POLR1B: variants seen among roughly 807,000 people sequenced by gnomAD.
The protein encoded by POLR1B is DNA-directed RNA polymerase I subunit RPA2.
Under a neutral mutation model 105.8 loss-of-function variants are expected in POLR1B, and 30 were observed. That is an observed-to-expected ratio of 0.28 (90% CI 0.21 to 0.38). The LOEUF (loss-of-function observed/expected upper bound fraction) is 0.38. Ranked by LOEUF, POLR1B falls within the 10% of genes least tolerant of loss-of-function variation. POLR1B has a pLI of 1.00. For synonymous variants in POLR1B, 485 were observed against 505.1 expected (o/e 0.96, Z 0.53); for missense variants, 976 against 1,435.8 (o/e 0.68, Z 5.17).
chr2:112,553,794 C>T (rs1683501554), intron 7 of POLR1B: 1 of 152,124 alleles, frequency 6.6e-6, no homozygotes, highest in Non-Finnish European at 1.5e-5. Context: ...GGAACCCAGC[C>T]CTGTATTTTT....
intron 12 of POLR1B, among the ~76,000 whole-genome samples, chr2:112,570,923 C>T (rs1236696785): frequency 6.6e-6 from 1 of 151,990 alleles, no homozygotes; most frequent in Non-Finnish European, 1.5e-5. Context: ...AGATTACAGG[C>T]ATGTGCCACC....
At chr2:112,559,900 G>T (rs888797644) in intron 9 of POLR1B, among the ~76,000 whole-genome samples, 1 of 152,114 alleles carries the variant, frequency 6.6e-6, no homozygotes, top group African/African-American at 2.4e-5. Flanking sequence ...AAAGTGCTGG[G>T]ATTACAGTTG....
At chr2:112,563,533 A>G (rs1253987366) in intron 9 of POLR1B, among the ~76,000 whole-genome samples, 3 of 152,190 alleles carry the variant, frequency 2.0e-5, no homozygotes, top group African/African-American at 7.2e-5. Context: ...AGTTTATGAA[A>G]TAATCTAAAT....
In POLR1B at chr2:112,547,140, A is replaced by G; in HGVS notation, c.306A>G (p.Glu102=). 1.2e-6 allele frequency: 2 copies of G among 1,614,192 alleles called. No individual in the cohort carries two copies. The highest frequency in any genetic ancestry group is 1.7e-6 in the Non-Finnish European group (2 of 1,180,038). Residue 102 remains glutamate (E), a synonymous_variant, in exon 2 of 15, where the codon GAA becomes GAG. Transcript: ENST00000263331. ...ICKEANVYPA[E]CRGRRSTYRG... ...AAGAGGCCAATGTTTATCCAGCAGA[A>G]TGCCGGGGCCGAAGGAGTACCTACC...
At position 112,564,377 on chromosome 2, in the gene POLR1B, A is replaced by G; in HGVS notation, c.1624A>G (p.Ile542Val). 6.2e-7 allele frequency: 1 copy of G among 1,614,170 alleles called. No homozygotes were observed. Among genetic ancestry groups the G allele is most frequent in the Non-Finnish European group, 8.5e-7 (1 of 1,180,000 alleles). ...GTTTCCTTTACCAGGGGTCACTCCC[A>G]TTGATGGAGCTCCCCACCGATCATA... Reference protein sequence around the residue: ...ALLCNLGVTPIDGAPHRSYSE... With the variant: ...ALLCNLGVTPVDGAPHRSYSE... Residue 542 changes from isoleucine (I) to valine (V), a missense_variant, in exon 10 of 15, where the codon ATT becomes GTT. Ile to Val is a conservative substitution (Grantham distance 29, BLOSUM62 3). Around this residue, in one of 12 missense-constraint regions of POLR1B, gnomAD observed 184 missense variants for 197.4 expected, o/e 0.93. Transcript: ENST00000263331.
intron 1 of POLR1B, among the ~76,000 whole-genome samples, chr2:112,545,307 A>G (rs1682979869): frequency 6.6e-6 from 1 of 152,198 alleles, no homozygotes; most frequent in Non-Finnish European, 1.5e-5. Context: ...CACATAATGC[A>G]AGGTTGTGTA....
At chr2:112,569,145 T>G (rs754027316) in intron 12 of POLR1B, among the ~76,000 whole-genome samples, 1 of 152,246 alleles carries the variant, frequency 6.6e-6, no homozygotes. Context: ...TCTTTGACAT[T>G]GACATTTTTG....
chr2:112,553,906 G>A (rs1043425579), intron 7 of POLR1B, among the ~76,000 whole-genome samples: 4 of 152,048 alleles, frequency 2.6e-5, no homozygotes, highest in African/African-American at 9.7e-5. Flanking sequence ...AGAGAAAGTT[G>A]GCATGGCACA....
In POLR1B at chr2:112,565,267, A is replaced by G. The variant is rs116955117; in HGVS notation, c.1746+768A>G. 7.9e-5 allele frequency among the ~76,000 whole-genome samples: 12 copies of G among 152,354 alleles called. No homozygotes were observed. In the East Asian group the frequency reaches 2.1e-3, roughly 27 times the overall value. ...CTTAGAGCAAAGATGTTTAATCAGTACATGGGACCCCCCTGTATACACATT... is the reference window on the plus strand; with the variant it reads ...CTTAGAGCAAAGATGTTTAATCAGTGCATGGGACCCCCCTGTATACACATT... On this transcript the variant is annotated intron_variant, in intron 10 of 14. Coordinates refer to ENST00000263331, the MANE Select transcript of POLR1B (RefSeq NM_019014.6).
At position 112,572,743 on chromosome 2, in the gene POLR1B, T is replaced by C. The variant is rs1270748330; in HGVS notation, c.2256T>C (p.Asp752=). Reference sequence around the variant, plus strand: ...CTGTGATTTCTTACACTGGCTATGATATGGAAGATGCCATGGTAAGTTTTA... The same window carrying C: ...CTGTGATTTCTTACACTGGCTATGACATGGAAGATGCCATGGTAAGTTTTA... ...IVAVISYTGY[D]MEDAMIVNKA... Residue 752 remains aspartate, a synonymous_variant, in exon 13 of 15, where the codon GAT becomes GAC. Coordinates refer to ENST00000263331, the MANE Select transcript of POLR1B (RefSeq NM_019014.6). The C allele has an allele frequency of 1.9e-6, 3 of 1,589,650 alleles. No individual in the cohort carries two copies. The highest frequency in any genetic ancestry group is 2.6e-6 in the Non-Finnish European group (3 of 1,166,700).
chr2:112,560,308 G>A lies in POLR1B; in HGVS notation c.1612+734G>A, dbSNP rs545702234. ...TCGAAATAGACTAGTCATTAATATTGGAAGTATAGAAGCTATTGAGTAGTT... is the reference window on the plus strand; with the variant it reads ...TCGAAATAGACTAGTCATTAATATTAGAAGTATAGAAGCTATTGAGTAGTT... On this transcript the variant is annotated intron_variant, in intron 9 of 14. Coordinates refer to ENST00000263331, the MANE Select transcript of POLR1B (RefSeq NM_019014.6). Among the ~76,000 whole-genome samples the A allele has an allele frequency of 3.3e-5, 5 of 152,156 alleles. No homozygotes were observed. In the South Asian group the frequency reaches 8.3e-4, roughly 25 times the overall value.
intron 1 of POLR1B, 172 bp downstream of exon 1, chr2:112,542,843 C>G: frequency 1.3e-6 from 1 of 768,434 alleles, no homozygotes; most frequent in Non-Finnish European, 2.0e-6. Flanking sequence ...CTTCGTGAGA[C>G]TTGGAGTCGA....
At chr2:112,565,624 A>G (rs1684237579) in intron 10 of POLR1B, among the ~76,000 whole-genome samples, 1 of 151,750 alleles carries the variant, frequency 6.6e-6, no homozygotes, top group Non-Finnish European at 1.5e-5. Context: ...CAGTGGCACA[A>G]TCACAGCTCA....
intron 9 of POLR1B, among the ~76,000 whole-genome samples, chr2:112,559,782 C>T (rs958672997): frequency 1.3e-5 from 2 of 152,224 alleles, no homozygotes; most frequent in African/African-American, 4.8e-5. Context: ...AGGCGCCCGC[C>T]ACCACACCCG....
intron 10 of POLR1B, 52 bp from the exon 11 acceptor site, chr2:112,567,915 A>G: frequency 6.6e-7 from 1 of 1,506,632 alleles, no homozygotes; most frequent in Non-Finnish European, 9.2e-7. Flanking sequence ...ACTGGCAGCG[A>G]CAGCCATGGC....
chr2:112,542,325 G>T, upstream of POLR1B: 2 of 1,535,444 alleles, frequency 1.3e-6, no homozygotes, highest in South Asian at 2.4e-5. Context: ...TTGGTTCTAC[G>T]TTGACCCCGA....
At position 112,557,924 on chromosome 2, in the gene POLR1B, T is replaced by C. The variant is rs775626524; in HGVS notation, c.1173T>C (p.Gly391=). ...CCTTATTTCAGGAAAAACTGGAAGG[T>C]TGGTTAGTGTCTATTAAAATAGCTT... The part of the protein sequence containing the change: ...FLMFLKEKLE[G]WLVSIKIAFD... The change falls in exon 8 of 15, where the codon GGT becomes GGC. Residue 391 remains glycine (G), a synonymous_variant. Transcript: ENST00000263331. 3.0e-6 allele frequency: 4 copies of C among 1,335,232 alleles called. No homozygotes were observed. Among genetic ancestry groups the C allele is most frequent in the Non-Finnish European group, 3.9e-6 (4 of 1,024,612 alleles). 82.7% of individuals were successfully genotyped at this position (1,335,232 alleles called of 1,614,324 possible). A position where few individuals can be genotyped will look rare whatever the true frequency, so the allele number is the denominator to read the frequency against.
chr2:112,573,892 G>C (rs1389629094), intron 14 of POLR1B, 77 bp downstream of exon 14: 5 of 1,529,794 alleles, frequency 3.3e-6, no homozygotes, highest in Non-Finnish European at 4.4e-6. Flanking sequence ...TGTCAGCCGG[G>C]CTGGAGTGCA....
At chr2:112,550,647 G>C (rs562011792) in intron 4 of POLR1B, 2 of 562,978 alleles carry the variant, frequency 3.6e-6, no homozygotes, top group Non-Finnish European at 6.3e-6. Flanking sequence ...TAAATTCATA[G>C]TTTCGGTTAT....
Sources: allele counts gnomAD v4.1 joint callset (sites outside exome capture counted in the v4.1 genomes callset), GRCh38; gene constraint gnomAD v4.1.1; regional missense constraint gnomAD v4.1.1; transcripts MANE v1.5; gene names NCBI Gene and HGNC (gene_info 2026-07-23, HGNC 2026-07-21).